Variants in SAP130 observed in about 807,000 individuals in gnomAD.
SAP130 encodes the protein Sin3A associated protein 130, also known as histone deacetylase complex subunit SAP130.
SAP130 carries 16 observed loss-of-function variants against 103.2 expected under a neutral mutation model. The observed-to-expected ratio is 0.16, with a 90% CI of 0.10 to 0.24. SAP130 has a LOEUF of 0.24. Among genes scored for constraint, SAP130 ranks in the 10% least tolerant of loss-of-function variants. SAP130 has a pLI of 1.00. For missense variants in SAP130, 990 were observed against 1,359.7 expected (o/e 0.73, Z 4.28); for synonymous variants, 477 against 497.0 (o/e 0.96, Z 0.53).
At chr2:127,972,521 G>A (rs975327461) in intron 15 of SAP130, among the ~76,000 whole-genome samples, 9 of 152,166 alleles carry the variant, frequency 5.9e-5, no homozygotes, top group Non-Finnish European at 1.0e-4. Context: ...ACTTTGGGAG[G>A]CAAAGGTGGG....
At chr2:127,971,498 A>G (rs1470212698) in intron 15 of SAP130, among the ~76,000 whole-genome samples, 2 of 152,180 alleles carry the variant, frequency 1.3e-5, no homozygotes, top group African/African-American at 4.8e-5. Context: ...CGTGTTAGCC[A>G]GGATGGTCTC....
intron 7 of SAP130, among the ~76,000 whole-genome samples, chr2:128,008,182 G>A (rs1169444272): frequency 1.3e-5 from 2 of 152,042 alleles, no homozygotes; most frequent in Non-Finnish European, 2.9e-5. Flanking sequence ...ATTGCCAAAG[G>A]CTCCCTTCCC....
chr2:128,026,711 G>C (rs79551067), intron 1 of SAP130, among the ~76,000 whole-genome samples: 1 of 152,322 alleles, frequency 6.6e-6, no homozygotes, highest in East Asian at 1.9e-4. Flanking sequence ...TATGTCATAG[G>C]AACATTCGGA....
chr2:128,003,115 G>A (rs1296858192), intron 7 of SAP130, among the ~76,000 whole-genome samples: 1 of 151,614 alleles, frequency 6.6e-6, no homozygotes, highest in Non-Finnish European at 1.5e-5. Context: ...GGCGACACAT[G>A]AGAGGGTCTC....
intron 12 of SAP130, among the ~76,000 whole-genome samples, chr2:127,992,384 G>C (rs1682872474): frequency 6.6e-6 from 1 of 151,808 alleles, no homozygotes; most frequent in South Asian, 2.1e-4. Flanking sequence ...AAGTTCAAGT[G>C]ATTTTCCTGC....
At position 128,017,790 on chromosome 2, in the gene SAP130, T is replaced by G; in HGVS notation, c.238A>C (p.Met80Leu). Residue 80 changes from methionine (M) to leucine (L), a missense_variant, in exon 3 of 21, where the codon ATG becomes CTG. Met to Leu is a conservative substitution (Grantham distance 15, BLOSUM62 2). Around this residue, in one of 6 missense-constraint regions of SAP130, gnomAD observed 167 missense variants for 187.4 expected, o/e 0.89. Coordinates refer to ENST00000643581, the MANE Select transcript of SAP130 (RefSeq NM_001330301.2). ...VVVRPYPQVQ[M>L]LSTHHAVASA... The stretch of plus-strand genomic sequence containing the variant: ...GCGACAGCATGGTGTGTCGACAACA[T>G]CTGCACCTGTGGATAGGGCCTTACC... 4.3e-6 allele frequency: 7 copies of G among 1,614,206 alleles called. No individual in the cohort carries two copies. Among genetic ancestry groups the G allele is most frequent in the Non-Finnish European group, 5.9e-6 (7 of 1,180,028 alleles).
At chr2:127,966,210 G>A (rs751822492) in intron 15 of SAP130, among the ~76,000 whole-genome samples, 1 of 152,038 alleles carries the variant, frequency 6.6e-6, no homozygotes, top group Non-Finnish European at 1.5e-5. Flanking sequence ...AGGCATGGTG[G>A]CGTGCGCCTG....
chr2:127,952,350 C>G (rs372503716), intron 16 of SAP130, among the ~76,000 whole-genome samples: 159 of 151,404 alleles, frequency 1.1e-3, no homozygotes, highest in Middle Eastern at 3.4e-3. Flanking sequence ...ACTCAGGAGG[C>G]TGAGGCAGGA....
chr2:128,007,701 A>G (rs755589604), intron 7 of SAP130, among the ~76,000 whole-genome samples: 3 of 152,208 alleles, frequency 2.0e-5, no homozygotes, highest in Admixed American at 6.5e-5. Flanking sequence ...ACACAAGTAG[A>G]TAACAGAGCT....
At chr2:127,951,808 G>A (rs1679513521) in intron 16 of SAP130, among the ~76,000 whole-genome samples, 1 of 152,128 alleles carries the variant, frequency 6.6e-6, no homozygotes, top group African/African-American at 2.4e-5. Flanking sequence ...TCTCTCTTGG[G>A]ATGACTACTT....
intron 7 of SAP130, among the ~76,000 whole-genome samples, chr2:128,006,190 A>G (rs1052641026): frequency 6.6e-6 from 1 of 152,152 alleles, no homozygotes; most frequent in African/African-American, 2.4e-5. Flanking sequence ...AAAACACTCA[A>G]TCAGCCAAAC....
chr2:127,963,743 T>C (rs1392866506), intron 15 of SAP130, among the ~76,000 whole-genome samples: 2 of 152,178 alleles, frequency 1.3e-5, no homozygotes, highest in East Asian at 3.9e-4. Context: ...TCATGAGATC[T>C]GACGGTTTTA....
At chr2:127,947,016 G>C (rs772885863) in intron 18 of SAP130, among the ~76,000 whole-genome samples, 2 of 150,196 alleles carry the variant, frequency 1.3e-5, no homozygotes, top group Non-Finnish European at 3.0e-5. Context: ...AGAAAAGGAA[G>C]GGGAGAGAAG....
chr2:128,009,179 A>C (rs1489165994), intron 7 of SAP130, among the ~76,000 whole-genome samples: 4 of 152,028 alleles, frequency 2.6e-5, no homozygotes. Context: ...TATCCTTCAA[A>C]ATCTACCCAG....
chr2:127,971,073 C>A (rs111898927), intron 15 of SAP130, among the ~76,000 whole-genome samples: 43,182 of 151,816 alleles, frequency 0.28, 6,730 homozygotes, highest in Middle Eastern at 0.46. Context: ...ACCTCAGCCT[C>A]CTGTGTAGCT....
intron 6 of SAP130, among the ~76,000 whole-genome samples, chr2:128,012,611 T>C (rs79078602): frequency 0.028 from 4,232 of 152,174 alleles, 176 homozygotes; most frequent in African/African-American, 0.093. Context: ...AATGAGGTCA[T>C]AGATTTCCTT....
intron 10 of SAP130, among the ~76,000 whole-genome samples, chr2:127,997,885 G>A (rs937806625): frequency 1.3e-5 from 2 of 152,134 alleles, no homozygotes; most frequent in African/African-American, 2.4e-5. Context: ...AGGCCGAGGC[G>A]AGCAGATCAA....
rs375758199 is a variant in SAP130, at chr2:127,996,011, G to A, written c.1355+339C>T. The stretch of plus-strand genomic sequence containing the variant: ...GAATCCTTTCAGATAGCTGTACCGC[G>A]GTGACATCAAAGAATGTCTTTACTC... On this transcript the variant is annotated intron_variant, in intron 11 of 20. Transcript: ENST00000643581. This position sits in a 1 kb window ranked among gnomAD's most constrained non-coding sequence, Gnocchi z 4.3. Among the ~76,000 whole-genome samples, 40 of 152,194 alleles carry A rather than the reference G, an allele frequency of 2.6e-4. No individual in the cohort carries two copies. Among genetic ancestry groups the A allele is most frequent in the African/African-American group, 6.7e-4 (28 of 41,512 alleles).
intron 15 of SAP130, among the ~76,000 whole-genome samples, chr2:127,968,743 T>G (rs573018372): frequency 7.2e-5 from 11 of 152,066 alleles, no homozygotes; most frequent in Non-Finnish European, 1.0e-4. Flanking sequence ...CTCAAACTCC[T>G]GACCTCAAGT....
Sources: gnomAD v4.1 joint callset for allele counts (sites outside exome capture counted in the v4.1 genomes callset) on GRCh38, gnomAD v4.1.1 for gene constraint, gnomAD v4.1.1 regional missense constraint, Gnocchi (gnomAD v3.1) non-coding constraint, MANE v1.5 for transcripts, NCBI Gene and HGNC (gene_info 2026-07-23, HGNC 2026-07-21) for gene names.